Variants in RNF130 observed in about 807,000 individuals in gnomAD.
RNF130 encodes the protein ring finger protein 130.
A neutral mutation model predicts 44.6 loss-of-function variants in RNF130; 21 were observed. The observed-to-expected ratio is 0.47, with a 90% CI of 0.33 to 0.68. The LOEUF is 0.68. Among genes scored for constraint, RNF130 ranks in the 30% least tolerant of loss-of-function variants. RNF130 has a pLI of 0.02. For synonymous variants in RNF130, 214 were observed against 210.4 expected, an observed-to-expected ratio of 1.02 and a Z score of -0.15; for missense variants, 479 against 560.6, an observed-to-expected ratio of 0.85 and a Z score of 1.47.
intron 1 of RNF130, among the ~76,000 whole-genome samples, chr5:180,055,180 A>G (rs1764778156): frequency 6.9e-6 from 1 of 145,940 alleles, no homozygotes. Context: ...CTAAAAATAC[A>G]AAAATTAGCC....
chr5:180,026,880 T>C (rs2113114815), intron 2 of RNF130, among the ~76,000 whole-genome samples: 1 of 152,320 alleles, frequency 6.6e-6, no homozygotes, highest in Admixed American at 6.5e-5. Flanking sequence ...CATGAAACCC[T>C]GGGCTTTTCC....
At chr5:180,048,594 C>T (rs1271373315) in intron 1 of RNF130, among the ~76,000 whole-genome samples, 2 of 152,070 alleles carry the variant, frequency 1.3e-5, no homozygotes, top group South Asian at 2.1e-4. Flanking sequence ...ACTGGGATGG[C>T]GCCACTGCAC....
At chr5:180,036,323 G>C (rs771517110) in intron 2 of RNF130, among the ~76,000 whole-genome samples, 1 of 151,956 alleles carries the variant, frequency 6.6e-6, no homozygotes, top group Non-Finnish European at 1.5e-5. Flanking sequence ...AATAAGACTG[G>C]TTTCCTAGGA....
chr5:179,981,451 T>TAA (rs1762837305), intron 3 of RNF130, among the ~76,000 whole-genome samples: 1 of 152,190 alleles, frequency 6.6e-6, no homozygotes, highest in African/African-American at 2.4e-5. Context: ...TAGGGGAAAG[T>TAA]TTTAAACACA....
At chr5:180,026,616 C>G (rs1413279449) in intron 2 of RNF130, among the ~76,000 whole-genome samples, 1 of 152,176 alleles carries the variant, frequency 6.6e-6, no homozygotes, top group African/African-American at 2.4e-5. Flanking sequence ...TAAACAGGAC[C>G]AAGCTCTTGG....
At chr5:179,920,374 T>G (rs1225462400) in exon 8 of RNF130, 2 of 702,480 alleles carry the variant, frequency 2.8e-6, no homozygotes, top group Admixed American at 2.0e-5. Flanking sequence ...AGAATTCACT[T>G]TCATACACCA....
At chr5:180,051,369 C>T (rs973599946) in intron 1 of RNF130, among the ~76,000 whole-genome samples, 9 of 151,890 alleles carry the variant, frequency 5.9e-5, no homozygotes, top group South Asian at 2.1e-4. Flanking sequence ...CCTGCCTCAG[C>T]CTCCCGAGTA....
intron 7 of RNF130, chr5:179,933,778 T>G (rs1350426944): frequency 3.5e-6 from 2 of 566,804 alleles, no homozygotes; most frequent in Non-Finnish European, 6.4e-6. Flanking sequence ...CTAGGCAGCA[T>G]TTTAATTTTA....
intron 7 of RNF130, among the ~76,000 whole-genome samples, chr5:179,930,261 T>C (rs1262435207): frequency 6.6e-6 from 1 of 152,106 alleles, no homozygotes. Context: ...TTTCACCACG[T>C]TGGTCAGGCT....
intron 8 of RNF130, among the ~76,000 whole-genome samples, chr5:179,962,527 A>AC (rs1314112181): frequency 6.6e-6 from 1 of 152,134 alleles, no homozygotes; most frequent in Non-Finnish European, 1.5e-5. Context: ...TTTGGGCAGG[A>AC]CCCCAGGGTT....
intron 7 of RNF130, among the ~76,000 whole-genome samples, chr5:179,966,541 G>C (rs1261078493): frequency 6.6e-6 from 1 of 152,104 alleles, no homozygotes; most frequent in Non-Finnish European, 1.5e-5. Flanking sequence ...TTCAAAACAA[G>C]GTTTATAAAA....
intron 7 of RNF130, among the ~76,000 whole-genome samples, chr5:179,921,363 T>C (rs986776686): frequency 2.0e-5 from 3 of 152,256 alleles, no homozygotes; most frequent in African/African-American, 7.2e-5. Context: ...TAGTATATAT[T>C]GGCTCTTACA....
At chr5:180,026,260 T>C (rs1321997772) in intron 2 of RNF130, among the ~76,000 whole-genome samples, 1 of 152,214 alleles carries the variant, frequency 6.6e-6, no homozygotes, top group Non-Finnish European at 1.5e-5. Context: ...GTCCACAAAA[T>C]TCTTACAGAC....
intron 1 of RNF130, among the ~76,000 whole-genome samples, chr5:180,054,620 C>T (rs1389321957): frequency 6.6e-6 from 1 of 152,204 alleles, no homozygotes; most frequent in African/African-American, 2.4e-5. Context: ...CTATCAGTAC[C>T]ACACTGTCTT....
rs1346481809 is a variant in RNF130, at chr5:180,065,100, G to T, written c.247+6356C>A. ...CCTTAATAATCCTAACCAATGCTTG[G>T]AATTCATTTTGTTCTTGGAGCTACA... On this transcript the variant is annotated intron_variant, in intron 1 of 8. Coordinates refer to ENST00000521389, the MANE Select transcript of RNF130 (RefSeq NM_018434.6). Among the ~76,000 whole-genome samples, 6 of 151,240 alleles carry T rather than the reference G, an allele frequency of 4.0e-5. No homozygotes were observed. In the East Asian group the frequency reaches 9.7e-4, roughly 25 times the overall value.
intron 1 of RNF130, among the ~76,000 whole-genome samples, chr5:180,060,031 G>A (rs1022771193): frequency 5.3e-5 from 8 of 152,200 alleles, no homozygotes; most frequent in Non-Finnish European, 1.0e-4. Flanking sequence ...GGTGACAGAC[G>A]GAGAAAGTCA....
In RNF130 at chr5:179,990,271, T is replaced by C. The variant is rs150835403; in HGVS notation, c.694-10071A>G. ...GACTGATAAGGTCACGTGAGTCACA[T>C]GTCCACTGGACAGGGGGCCCTTCCC... On this transcript the variant is annotated intron_variant, in intron 3 of 8. Transcript: ENST00000521389. 6.0e-3 allele frequency among the ~76,000 whole-genome samples: 912 copies of C among 152,326 alleles called. 11 individuals are homozygous for C. Among genetic ancestry groups the C allele is most frequent in the African/African-American group, 0.021 (861 of 41,578 alleles).
intron 8 of RNF130, among the ~76,000 whole-genome samples, chr5:179,958,136 C>T (rs1762252098): frequency 6.6e-6 from 1 of 152,160 alleles, no homozygotes; most frequent in South Asian, 2.1e-4. Context: ...CTCGGTCTCC[C>T]AAAGTGCTGG....
At chr5:180,015,997 C>T (rs980642906) in intron 2 of RNF130, among the ~76,000 whole-genome samples, 1 of 152,100 alleles carries the variant, frequency 6.6e-6, no homozygotes, top group African/African-American at 2.4e-5. Flanking sequence ...TGCAAAAATC[C>T]ACACGCCCTC....
Sources: allele counts gnomAD v4.1 joint callset (sites outside exome capture counted in the v4.1 genomes callset), GRCh38; gene constraint gnomAD v4.1.1; transcripts MANE v1.5; gene names NCBI Gene and HGNC (gene_info 2026-07-23, HGNC 2026-07-21).